Variants in ULK4 observed in about 807,000 individuals in gnomAD.
The protein encoded by ULK4 is inactive serine/threonine-protein kinase ULK4.
ULK4 carries 133 observed loss-of-function variants against 160.6 expected under a neutral mutation model. The observed-to-expected ratio is 0.83, with a 90% CI of 0.72 to 0.96. ULK4 has a LOEUF of 0.96. ULK4 is among the 40% of genes least tolerant of loss of function. The pLI is 0.00. For missense variants in ULK4, 1,580 were observed against 1,499.5 expected, an observed-to-expected ratio of 1.05 and a Z score of -0.89; for synonymous variants, 534 against 539.8, an observed-to-expected ratio of 0.99 and a Z score of 0.15.
At chr3:41,594,630 T>C (rs964016614) in intron 31 of ULK4, among the ~76,000 whole-genome samples, 1 of 152,286 alleles carries the variant, frequency 6.6e-6, no homozygotes, top group African/African-American at 2.4e-5. Flanking sequence ...GGAAGAGAGA[T>C]GCGAGGGACA....
At chr3:41,947,534 T>C (rs1490476364) in intron 2 of ULK4, among the ~76,000 whole-genome samples, 1 of 152,148 alleles carries the variant, frequency 6.6e-6, no homozygotes, top group South Asian at 2.1e-4. Flanking sequence ...ATTGGTACCA[T>C]GATCCAACAG....
chr3:41,350,147 A>C (rs997643082), intron 35 of ULK4, among the ~76,000 whole-genome samples: 13 of 152,350 alleles, frequency 8.5e-5, no homozygotes, highest in Middle Eastern at 3.4e-3. Flanking sequence ...ACCTCAGAAG[A>C]TACTAAAAGT....
intron 35 of ULK4, among the ~76,000 whole-genome samples, chr3:41,250,099 A>G (rs2078717767): frequency 6.6e-6 from 1 of 152,134 alleles, no homozygotes; most frequent in African/African-American, 2.4e-5. Context: ...GTCCTATGAG[A>G]AAAACACTTG....
intron 5 of ULK4, among the ~76,000 whole-genome samples, chr3:41,924,220 G>T (rs1252464426): frequency 6.6e-6 from 1 of 152,146 alleles, no homozygotes; most frequent in African/African-American, 2.4e-5. Flanking sequence ...TATGTCAAAA[G>T]GTAGGGTGAT....
At chr3:41,521,133 C>T (rs149808322) in intron 32 of ULK4, among the ~76,000 whole-genome samples, 368 of 152,298 alleles carry the variant, frequency 2.4e-3, no homozygotes, top group Non-Finnish European at 4.4e-3. Context: ...AAAACACCCA[C>T]TGACCAGGAG....
chr3:41,562,990 G>A (rs2087650762), intron 32 of ULK4, among the ~76,000 whole-genome samples: 1 of 152,134 alleles, frequency 6.6e-6, no homozygotes, highest in Non-Finnish European at 1.5e-5. Flanking sequence ...TTTTTGCAGT[G>A]GCTGCTACAG....
In ULK4 at chr3:41,856,525, ATATATATGTATG is replaced by A. The variant is rs1308880785; in HGVS notation, c.1657-20566_1657-20555del. Among the ~76,000 whole-genome samples, 736 of 128,912 alleles carry A rather than the reference ATATATATGTATG, an allele frequency of 5.7e-3. 9 individuals carry two copies. The highest frequency in any genetic ancestry group is 0.016 in the South Asian group (66 of 4,172). 84.6% of individuals were successfully genotyped at this position (128,912 alleles called of 152,430 possible). On this transcript the variant is annotated intron_variant, in intron 17 of 36. Coordinates refer to ENST00000301831, the MANE Select transcript of ULK4 (RefSeq NM_017886.4). ...AATAAATAAATAAATATATATATAT[ATATATATGTATG>A]TATATATATATGTGTATATATATAC...
At chr3:41,859,552 A>G in intron 17 of ULK4, 1 of 541,596 alleles carries the variant, frequency 1.8e-6, no homozygotes, top group Admixed American at 1.9e-5. Context: ...GCCCCAGAAC[A>G]TGCTCATCAC....
chr3:41,703,868 AC>A (rs1559496401), intron 27 of ULK4, among the ~76,000 whole-genome samples: 1,851 of 149,706 alleles, frequency 0.012, 30 homozygotes, highest in African/African-American at 0.043. Flanking sequence ...ACACACACAC[AC>A]ACACACAAGT....
chr3:41,868,650 C>G (rs985618386), intron 17 of ULK4, among the ~76,000 whole-genome samples: 7 of 140,686 alleles, frequency 5.0e-5, no homozygotes, highest in African/African-American at 6.2e-5. Context: ...CCATCATATC[C>G]ACCTAATTTT....
At chr3:41,584,667 A>G (rs1043446009) in intron 31 of ULK4, among the ~76,000 whole-genome samples, 1 of 152,188 alleles carries the variant, frequency 6.6e-6, no homozygotes, top group Admixed American at 6.5e-5. Context: ...GAAATTTGCA[A>G]AAACACACTA....
At chr3:41,504,513 A>G (rs2085314795) in intron 32 of ULK4, among the ~76,000 whole-genome samples, 1 of 152,156 alleles carries the variant, frequency 6.6e-6, no homozygotes, top group Admixed American at 6.5e-5. Context: ...TTTGAATTTC[A>G]TTTTCCATCA....
intron 33 of ULK4, among the ~76,000 whole-genome samples, chr3:41,456,030 C>A (rs1350540014): frequency 6.6e-6 from 1 of 152,190 alleles, no homozygotes; most frequent in South Asian, 2.1e-4. Context: ...CTGACTCAGC[C>A]TCCTGAGTAG....
intron 35 of ULK4, among the ~76,000 whole-genome samples, chr3:41,328,178 A>G (rs2080372558): frequency 6.6e-6 from 1 of 152,174 alleles, no homozygotes. Flanking sequence ...ACTCCTGTCG[A>G]ACATTATGGG....
chr3:41,506,764 T>A (rs866546574), intron 32 of ULK4, among the ~76,000 whole-genome samples: 4 of 19,926 alleles, frequency 2.0e-4, no homozygotes, highest in Non-Finnish European at 2.7e-4. Context: ...GAGTGTGATT[T>A]AAAATATATA....
intron 27 of ULK4, among the ~76,000 whole-genome samples, chr3:41,691,520 C>G (rs964258276): frequency 1.3e-5 from 2 of 151,916 alleles, no homozygotes; most frequent in Non-Finnish European, 2.9e-5. Context: ...GAGGCAAGAA[C>G]TGAAACTGTG....
intron 21 of ULK4, among the ~76,000 whole-genome samples, chr3:41,762,738 C>T (rs1375225376): frequency 6.8e-6 from 1 of 147,848 alleles, no homozygotes; most frequent in Non-Finnish European, 1.5e-5. Context: ...TATCGGCTCA[C>T]TGCAAGCTCC....
intron 34 of ULK4, among the ~76,000 whole-genome samples, chr3:41,454,113 A>AC (rs1287060125): frequency 1.3e-5 from 2 of 150,644 alleles, no homozygotes. Context: ...CCAACATGGC[A>AC]CATGTATACA....
Position 41,246,865 on chromosome 3 carries a change from T to C in ULK4, c.*64A>G. On this transcript the variant is annotated 3_prime_UTR_variant, in exon 37 of 37. Transcript: ENST00000301831. Reference sequence around the variant, plus strand: ...GGATGTGGCAAAGGTGTCTGGGAGCTGACCTTGCTTATGCATCCGAGGGCT... The same window carrying C: ...GGATGTGGCAAAGGTGTCTGGGAGCCGACCTTGCTTATGCATCCGAGGGCT... The C allele has an allele frequency of 1.9e-6, 3 of 1,574,556 alleles. No homozygotes were observed. Among genetic ancestry groups the C allele is most frequent in the Non-Finnish European group, 2.6e-6 (3 of 1,153,178 alleles).
Sources: allele counts gnomAD v4.1 joint callset (sites outside exome capture counted in the v4.1 genomes callset), GRCh38; gene constraint gnomAD v4.1.1; transcripts MANE v1.5; gene names NCBI Gene and HGNC (gene_info 2026-07-23, HGNC 2026-07-21).